The following NRXN1 variants were observed in gnomAD, a reference collection of about 807,000 sequenced individuals.
The protein encoded by NRXN1 is neurexin 1.
Under a neutral mutation model 150.9 loss-of-function variants are expected in NRXN1, and 39 were observed. The ratio of observed to expected loss-of-function variants is 0.26; its 90% CI spans 0.20 to 0.34. The LOEUF is 0.34. NRXN1 is among the 10% of genes least tolerant of loss of function. The probability of loss-of-function intolerance (pLI) is 1.00; values close to 1 mark genes in which losing one functional copy is unlikely to be tolerated. For synonymous variants in NRXN1, 924 were observed against 757.0 expected (o/e 1.22, Z -3.62); for missense variants, 1,815 against 1,949.9 (o/e 0.93, Z 1.30).
intron 17 of NRXN1, among the ~76,000 whole-genome samples, chr2:50,452,514 T>A (rs1256485532): frequency 6.6e-6 from 1 of 152,150 alleles, no homozygotes; most frequent in Non-Finnish European, 1.5e-5. Context: ...AGCCGAAGAA[T>A]CTTTGCATGT....
At chr2:50,113,016 T>C (rs78660328) in intron 18 of NRXN1, among the ~76,000 whole-genome samples, 2,084 of 152,240 alleles carry the variant, frequency 0.014, 49 homozygotes, top group African/African-American at 0.048. Flanking sequence ...TCTCCAAATA[T>C]CCAAACCCTA....
chr2:50,208,699 C>A (rs1272237393), intron 18 of NRXN1, among the ~76,000 whole-genome samples: 1 of 152,012 alleles, frequency 6.6e-6, no homozygotes, highest in East Asian at 1.9e-4. Context: ...AGTTTGGGGT[C>A]TGAGCTAACA....
intron 8 of NRXN1, among the ~76,000 whole-genome samples, chr2:50,593,387 G>C (rs2103839499): frequency 6.6e-6 from 1 of 152,210 alleles, no homozygotes; most frequent in East Asian, 1.9e-4. Flanking sequence ...AAAGGGCACT[G>C]AATTTACAAG....
chr2:50,520,827 T>A (rs923235228), intron 12 of NRXN1, among the ~76,000 whole-genome samples: 1 of 152,048 alleles, frequency 6.6e-6, no homozygotes. Flanking sequence ...CACTATTAGG[T>A]GAATATGTCT....
rs1258161445 is a variant in NRXN1 at position 50,552,784 on chromosome 2, T to C, written c.1562A>G (p.His521Arg). 13 of 1,613,874 alleles carry C rather than the reference T, an allele frequency of 8.1e-6. No homozygotes were observed. Among genetic ancestry groups the C allele is most frequent in the Non-Finnish European group, 1.1e-5 (13 of 1,179,880 alleles). The change falls in exon 9 of 23, where the codon CAT (histidine) becomes CGT (arginine). Residue 521 changes from histidine to arginine, a missense_variant. Around this residue, in one of 6 missense-constraint regions of NRXN1, gnomAD observed 638 missense variants for 652.6 expected, o/e 0.98. Coordinates refer to ENST00000401669, the MANE Select transcript of NRXN1 (RefSeq NM_001330078.2). ...TEPNGLILFS[H>R]GKPRHQKDAK... ...ATCTTTCTGATGTCTTGGCTTGCCA[T>C]GGCTAAATAAGATGAGGCCATTTGG...
chr2:49,969,677 G>A (rs1573123367), intron 21 of NRXN1: 1 of 151,864 alleles, frequency 6.6e-6, no homozygotes, highest in Admixed American at 6.6e-5. Context: ...TCTCCCATCC[G>A]AGTACTAACC....
At chr2:50,908,746 G>A (rs868471443) in intron 5 of NRXN1, among the ~76,000 whole-genome samples, 5 of 152,054 alleles carry the variant, frequency 3.3e-5, no homozygotes, top group African/African-American at 9.7e-5. Context: ...CTGGAAGTGG[G>A]TCCTTTAGGA....
At chr2:50,873,748 A>G (rs1678152429) in intron 5 of NRXN1, among the ~76,000 whole-genome samples, 1 of 151,868 alleles carries the variant, frequency 6.6e-6, no homozygotes, top group South Asian at 2.1e-4. Flanking sequence ...CAGAAATTCC[A>G]TATTGTACAT....
At chr2:50,884,183 A>G (rs1242945357) in intron 5 of NRXN1, among the ~76,000 whole-genome samples, 1 of 151,936 alleles carries the variant, frequency 6.6e-6, no homozygotes, top group Admixed American at 6.6e-5. Flanking sequence ...TTAAAAATTT[A>G]CAGGAAAAAC....
At chr2:50,143,010 T>A (rs558853031) in intron 18 of NRXN1, among the ~76,000 whole-genome samples, 3 of 151,850 alleles carry the variant, frequency 2.0e-5, no homozygotes, top group Non-Finnish European at 1.5e-5. Flanking sequence ...TGACAAAATA[T>A]ATGTTTTATT....
chr2:49,943,577 A>C, intron 22 of NRXN1, 127 bp downstream of exon 22: 1 of 694,234 alleles, frequency 1.4e-6, no homozygotes, highest in Non-Finnish European at 2.6e-6. Flanking sequence ...AAGAGTCCTC[A>C]TCTCACAATC....
intron 15 of NRXN1, among the ~76,000 whole-genome samples, chr2:50,473,977 C>G (rs72878368): frequency 6.6e-6 from 1 of 151,852 alleles, no homozygotes; most frequent in Non-Finnish European, 1.5e-5. Flanking sequence ...AGGTCCTTGA[C>G]CTAACTAAAA....
chr2:50,982,448 G>C (rs976354237), intron 2 of NRXN1, among the ~76,000 whole-genome samples: 1 of 152,030 alleles, frequency 6.6e-6, no homozygotes. Flanking sequence ...TGCTCTGAAC[G>C]TGGCCTAAGG....
chr2:50,417,105 G>C (rs1417096563), intron 17 of NRXN1: 2 of 152,170 alleles, frequency 1.3e-5, no homozygotes, highest in East Asian at 1.9e-4. Context: ...AAGAGATTGA[G>C]ACTGAATTTC....
intron 17 of NRXN1, among the ~76,000 whole-genome samples, chr2:50,247,816 C>G (rs888748046): frequency 3.3e-5 from 5 of 152,096 alleles, no homozygotes; most frequent in African/African-American, 1.2e-4. Flanking sequence ...AGGTCTGACT[C>G]TTACTTAATA....
intron 17 of NRXN1, among the ~76,000 whole-genome samples, chr2:50,301,151 A>T (rs1382716097): frequency 6.6e-6 from 1 of 152,192 alleles, no homozygotes; most frequent in African/African-American, 2.4e-5. Context: ...TTAGATGTAA[A>T]CTTCTATTTT....
chr2:50,411,672 G>T (rs922025929), intron 17 of NRXN1, among the ~76,000 whole-genome samples: 17 of 144,470 alleles, frequency 1.2e-4, no homozygotes, highest in Non-Finnish European at 1.8e-4. Flanking sequence ...CCCTCCGCCC[G>T]GCAGCCGCCC....
chr2:50,767,991 G>A (rs911467057), intron 5 of NRXN1, among the ~76,000 whole-genome samples: 6 of 152,050 alleles, frequency 3.9e-5, no homozygotes, highest in East Asian at 3.9e-4. Context: ...AACTCTGGCC[G>A]ATAATTTATC....
chr2:50,054,501 G>A (rs1277314716), intron 20 of NRXN1, among the ~76,000 whole-genome samples: 3 of 152,062 alleles, frequency 2.0e-5, no homozygotes, highest in Admixed American at 6.6e-5. Flanking sequence ...CATTATGACT[G>A]GCAATTCATA....
Sources: allele counts gnomAD v4.1 joint callset (sites outside exome capture counted in the v4.1 genomes callset), GRCh38; gene constraint gnomAD v4.1.1; regional missense constraint gnomAD v4.1.1; transcripts MANE v1.5; gene names NCBI Gene and HGNC (gene_info 2026-07-23, HGNC 2026-07-21).